MRPL15: variants seen among roughly 807,000 people sequenced by gnomAD.
MRPL15 encodes the protein mitochondrial ribosomal protein L15.
MRPL15 carries 24 observed loss-of-function variants against 28.0 expected under a neutral mutation model. The observed-to-expected ratio is 0.86, with a 90% CI of 0.62 to 1.21. The LOEUF is 1.21. MRPL15 is among the 50% of genes most tolerant of loss of function. MRPL15 has a pLI of 0.00. For missense variants in MRPL15, 343 were observed against 372.4 expected, an observed-to-expected ratio of 0.92 and a Z score of 0.65; for synonymous variants, 124 against 137.0, an observed-to-expected ratio of 0.90 and a Z score of 0.66.
Position 54,137,383 on chromosome 8 carries a change from G to A in MRPL15, c.379G>A (p.Val127Met). Reference sequence around the variant, plus strand: ...AACCCAGCTTGTCAATGGGAGAGGTGTGACCATCCAGCCACTTAAAAGGGA... The same window carrying A: ...AACCCAGCTTGTCAATGGGAGAGGTATGACCATCCAGCCACTTAAAAGGGA... ...DLTQLVNGRG[V>M]TIQPLKRDYG... is the part of the protein sequence containing the mutation. The change falls in exon 3 of 5, where the codon GTG becomes ATG. Residue 127 changes from valine to methionine, a missense_variant. Val to Met is a conservative substitution (Grantham distance 21). Coordinates refer to ENST00000260102, the MANE Select transcript of MRPL15 (RefSeq NM_014175.4). 1 of 1,614,130 alleles carries A rather than the reference G, an allele frequency of 6.2e-7. No individual in the cohort carries two copies. The highest frequency in any genetic ancestry group is 8.5e-7 in the Non-Finnish European group (1 of 1,180,036).
At chr8:54,143,751 T>A (rs1195932296) in intron 4 of MRPL15, among the ~76,000 whole-genome samples, 1 of 152,202 alleles carries the variant, frequency 6.6e-6, no homozygotes, top group Non-Finnish European at 1.5e-5. Context: ...CTCTTGTCCC[T>A]CCTGGTGTTC....
chr8:54,147,687 G>C lies in MRPL15; in HGVS notation c.859G>C (p.Asp287His), dbSNP rs926011733. Reference protein sequence around the residue: ...MADKKILKPTDENLLKYYTS With the variant: ...MADKKILKPTHENLLKYYTS Reference sequence around the variant, plus strand: ...CGATAAGAAAATCCTAAAACCTACAGATGAAAATCTCCTTAAGTATTATAC... The same window carrying C: ...CGATAAGAAAATCCTAAAACCTACACATGAAAATCTCCTTAAGTATTATAC... Residue 287 changes from aspartate to histidine, a missense_variant, in exon 5 of 5, where the codon GAT (aspartate) becomes CAT (histidine). Physicochemically the swap from Asp to His is moderately conservative, Grantham distance 81 (BLOSUM62 -1). Coordinates refer to ENST00000260102, the MANE Select transcript of MRPL15 (RefSeq NM_014175.4). 1 of 1,613,440 alleles carries C rather than the reference G, an allele frequency of 6.2e-7. No homozygotes were observed. Among genetic ancestry groups the C allele is most frequent in the Non-Finnish European group, 8.5e-7 (1 of 1,179,814 alleles).
Position 54,136,363 on chromosome 8 carries a change from C to T in MRPL15, c.109-148C>T, listed in dbSNP as rs924115231. ...AAAGATGCTAACAGAGTGTGTGGAG[C>T]TTTGAGCAACTAGGACATGCTTGAC... On this transcript the variant is annotated intron_variant, in intron 1 of 4. Coordinates refer to ENST00000260102, the MANE Select transcript of MRPL15 (RefSeq NM_014175.4). 2.0e-5 allele frequency: 16 copies of T among 797,186 alleles called. No homozygotes were observed. In the African/African-American group the frequency reaches 2.4e-4, roughly 12 times the overall value. The allele number at this position is 797,186 out of a possible 1,614,324, so 49.4% of individuals were successfully genotyped here.
chr8:54,146,918 A>G (rs1267192413), intron 4 of MRPL15, among the ~76,000 whole-genome samples: 1 of 152,152 alleles, frequency 6.6e-6, no homozygotes, highest in Non-Finnish European at 1.5e-5. Flanking sequence ...TCTTTAGTTA[A>G]GATAACTCAT....
intron 3 of MRPL15, among the ~76,000 whole-genome samples, chr8:54,142,181 T>A (rs563305800): frequency 6.7e-6 from 1 of 148,400 alleles, no homozygotes; most frequent in East Asian, 2.0e-4. Flanking sequence ...TGAGACGGAG[T>A]TTCACTCTTG....
chr8:54,147,205 C>G (rs1349059189), intron 4 of MRPL15, among the ~76,000 whole-genome samples, 177 bp from the exon 5 acceptor site: 2 of 151,812 alleles, frequency 1.3e-5, no homozygotes, highest in Non-Finnish European at 2.9e-5. Flanking sequence ...GTACTCCAGT[C>G]TGGGCAACAA....
chr8:54,136,527 G>A lies in MRPL15; in HGVS notation c.125G>A (p.Gly42Asp). The A allele has an allele frequency of 1.9e-6, 3 of 1,613,792 alleles. No individual in the cohort carries two copies. The highest frequency in any genetic ancestry group is 2.5e-6 in the Non-Finnish European group (3 of 1,179,900). Reference sequence around the variant, plus strand: ...TCCTTGCAGGAGAGAAGACCAAGAGGTCGGAGAAGAGGTAGAAAATGTGGC... The same window carrying A: ...TCCTTGCAGGAGAGAAGACCAAGAGATCGGAGAAGAGGTAGAAAATGTGGC... Reference protein sequence around the residue: ...GSKKPERRPRGRRRGRKCGRG... With the variant: ...GSKKPERRPRDRRRGRKCGRG... The change falls in exon 2 of 5, where the codon GGT (glycine) becomes GAT (aspartate). Residue 42 changes from glycine to aspartate, a missense_variant. Transcript: ENST00000260102.
At position 54,147,840 on chromosome 8, in the gene MRPL15, T is replaced by G. The variant is rs1046236920; in HGVS notation, c.*121T>G. The G allele has an allele frequency of 1.2e-6, 1 of 819,448 alleles. No homozygotes were observed. Among genetic ancestry groups the G allele is most frequent in the East Asian group, 2.7e-5 (1 of 37,414 alleles). The allele number at this position is 819,448 out of a possible 1,614,324, so 50.8% of individuals were successfully genotyped here. A position where few individuals can be genotyped will look rare whatever the true frequency, so the allele number is the denominator to read the frequency against. On this transcript the variant is annotated 3_prime_UTR_variant, in exon 5 of 5. Transcript: ENST00000260102. ...CAGATGGTGATGTTACTTTTCAGTG[T>G]ACTCATATGTCTCATTTTCATCTAA...
Position 54,137,385 on chromosome 8 carries a change from G to A in MRPL15, c.381G>A (p.Val127=). The change falls in exon 3 of 5, where the codon GTG becomes GTA. Residue 127 remains valine, a synonymous_variant. Coordinates refer to ENST00000260102, the MANE Select transcript of MRPL15 (RefSeq NM_014175.4). Reference sequence around the variant, plus strand: ...CCCAGCTTGTCAATGGGAGAGGTGTGACCATCCAGCCACTTAAAAGGGATT... The same window carrying A: ...CCCAGCTTGTCAATGGGAGAGGTGTAACCATCCAGCCACTTAAAAGGGATT... ...DLTQLVNGRG[V]TIQPLKRDYG... 1 of 1,614,136 alleles carries A rather than the reference G, an allele frequency of 6.2e-7. No homozygotes were observed. The highest frequency in any genetic ancestry group is 8.5e-7 in the Non-Finnish European group (1 of 1,180,028).
chr8:54,145,305 C>G (rs1199690806), intron 4 of MRPL15, among the ~76,000 whole-genome samples: 2 of 152,094 alleles, frequency 1.3e-5, no homozygotes, highest in Non-Finnish European at 2.9e-5. Flanking sequence ...ACCTCCAACT[C>G]CTGGGCTCAA....
At chr8:54,138,252 C>T (rs1199147474) in intron 3 of MRPL15, among the ~76,000 whole-genome samples, 4 of 147,584 alleles carry the variant, frequency 2.7e-5, no homozygotes, top group South Asian at 4.4e-4. Flanking sequence ...CCGCCCACGG[C>T]GCCCCCTTCT....
Position 54,147,763 on chromosome 8 carries a change from G to A in MRPL15, c.*44G>A, listed in dbSNP as rs1308770538. ...AGAGTTGTTAAAGAGTACTGGAATA[G>A]GGGCTGAAGGATCTATATTCCCTTA... On this transcript the variant is annotated 3_prime_UTR_variant, in exon 5 of 5. Coordinates refer to ENST00000260102, the MANE Select transcript of MRPL15 (RefSeq NM_014175.4). 3.4e-6 allele frequency: 5 copies of A among 1,483,838 alleles called. No homozygotes were observed. Among genetic ancestry groups the A allele is most frequent in the Non-Finnish European group, 4.6e-6 (5 of 1,096,378 alleles). The allele number at this position is 1,483,838 out of a possible 1,614,324, so 91.9% of individuals were successfully genotyped here.
chr8:54,136,081 A>C (rs1032752729), intron 1 of MRPL15, among the ~76,000 whole-genome samples: 4 of 152,240 alleles, frequency 2.6e-5, no homozygotes, highest in Non-Finnish European at 4.4e-5. Context: ...GTGAAATGAC[A>C]GGAAATTAAG....
chr8:54,145,038 A>G (rs561564153), intron 4 of MRPL15, among the ~76,000 whole-genome samples: 1 of 152,302 alleles, frequency 6.6e-6, no homozygotes, highest in Middle Eastern at 3.4e-3. Context: ...CTGAGCTGGC[A>G]TCTTCAGAGG....
intron 4 of MRPL15, among the ~76,000 whole-genome samples, chr8:54,147,133 G>A (rs1404635437): frequency 6.6e-6 from 1 of 152,172 alleles, no homozygotes; most frequent in Non-Finnish European, 1.5e-5. Context: ...TTGGGAGGCT[G>A]AGGCAGGAGA....
intron 3 of MRPL15, among the ~76,000 whole-genome samples, chr8:54,139,504 G>A (rs1810883922): frequency 6.6e-6 from 1 of 152,138 alleles, no homozygotes; most frequent in African/African-American, 2.4e-5. Context: ...ATTCTACCCT[G>A]AGTGTATATA....
chr8:54,138,423 T>C (rs1700112832), intron 3 of MRPL15, among the ~76,000 whole-genome samples: 1 of 148,496 alleles, frequency 6.7e-6, no homozygotes, highest in African/African-American at 2.5e-5. Flanking sequence ...GTTCAAGCTA[T>C]TCTCGTGCCT....
chr8:54,145,657 G>A (rs536353000), intron 4 of MRPL15, among the ~76,000 whole-genome samples: 3 of 151,994 alleles, frequency 2.0e-5, no homozygotes, highest in Non-Finnish European at 4.4e-5. Flanking sequence ...TTTATGTTTT[G>A]TAGAGATGAG....
chr8:54,142,303 C>T (rs946245682), intron 3 of MRPL15, among the ~76,000 whole-genome samples: 8 of 151,574 alleles, frequency 5.3e-5, no homozygotes, highest in African/African-American at 9.7e-5. Flanking sequence ...TACAGGCACG[C>T]GGCACCACAC....
Sources: gnomAD v4.1 joint callset for allele counts (sites outside exome capture counted in the v4.1 genomes callset) on GRCh38, gnomAD v4.1.1 for gene constraint, MANE v1.5 for transcripts, NCBI Gene and HGNC (gene_info 2026-07-23, HGNC 2026-07-21) for gene names.